The following ANKS1B variants were observed in gnomAD, a reference collection of about 807,000 sequenced individuals.
ANKS1B encodes ankyrin repeat and sterile alpha motif domain containing 1B.
In ANKS1B, 36 loss-of-function variants were observed where a neutral mutation model predicts 148.3. The observed-to-expected ratio is 0.24, with a 90% CI of 0.19 to 0.32. The LOEUF is 0.32. ANKS1B is among the 10% of genes least tolerant of loss of function. The pLI is 1.00. For missense variants in ANKS1B, 1,157 were observed against 1,542.6 expected (o/e 0.75, Z 4.19); for synonymous variants, 542 against 560.8 (o/e 0.97, Z 0.47).
intron 10 of ANKS1B, among the ~76,000 whole-genome samples, chr12:99,447,543 T>G (rs1402684492): frequency 1.3e-5 from 2 of 151,978 alleles, no homozygotes; most frequent in Non-Finnish European, 2.9e-5. Context: ...CAACATTGAT[T>G]TGGGCAATGA....
intron 17 of ANKS1B, among the ~76,000 whole-genome samples, chr12:99,013,780 T>C (rs984073443): frequency 6.6e-6 from 1 of 151,544 alleles, no homozygotes; most frequent in Non-Finnish European, 1.5e-5. Flanking sequence ...AAGAATAAAA[T>C]ACCTAGGAAT....
At chr12:98,903,693 C>T (rs1231052374) in intron 17 of ANKS1B, among the ~76,000 whole-genome samples, 2 of 152,186 alleles carry the variant, frequency 1.3e-5, no homozygotes, top group South Asian at 2.1e-4. Flanking sequence ...TTTACTTCAG[C>T]CACTTGGAGT....
intron 17 of ANKS1B, among the ~76,000 whole-genome samples, chr12:99,052,877 C>A (rs2099967177): frequency 6.6e-6 from 1 of 151,626 alleles, no homozygotes; most frequent in South Asian, 2.1e-4. Flanking sequence ...ATATCTATAT[C>A]CTATAACTGA....
intron 8 of ANKS1B, among the ~76,000 whole-genome samples, chr12:99,763,108 G>T (rs2062307736): frequency 6.6e-6 from 1 of 152,102 alleles, no homozygotes; most frequent in Non-Finnish European, 1.5e-5. Context: ...ACTTAAAACA[G>T]AACTACCATT....
intron 14 of ANKS1B, among the ~76,000 whole-genome samples, chr12:99,201,785 G>C (rs1239468487): frequency 1.3e-5 from 2 of 152,120 alleles, no homozygotes; most frequent in Non-Finnish European, 2.9e-5. Context: ...TGATAGCAAG[G>C]TTTATTTTAC....
chr12:98,815,275 G>A, intron 19 of ANKS1B, among the ~76,000 whole-genome samples: 1 of 152,116 alleles, frequency 6.6e-6, no homozygotes, highest in Middle Eastern at 3.2e-3. Context: ...ATGTCTAGAT[G>A]GTCTCCACTT....
chr12:99,264,157 A>C (rs1365659573), intron 12 of ANKS1B, among the ~76,000 whole-genome samples: 1 of 152,106 alleles, frequency 6.6e-6, no homozygotes, highest in Non-Finnish European at 1.5e-5. Flanking sequence ...TTATTTCAGA[A>C]ATTTTGCTAA....
At chr12:98,806,848 T>C (rs1335945217) in intron 20 of ANKS1B, among the ~76,000 whole-genome samples, 1 of 152,130 alleles carries the variant, frequency 6.6e-6, no homozygotes, top group Non-Finnish European at 1.5e-5. Flanking sequence ...CATTTATGAG[T>C]CCAAGAGGAA....
At chr12:98,894,472 A>C (rs2099759376) in intron 17 of ANKS1B, among the ~76,000 whole-genome samples, 15 of 151,484 alleles carry the variant, frequency 9.9e-5, no homozygotes, top group Admixed American at 9.9e-4. Context: ...CCGCTAGCTG[A>C]GGCTGCAACA....
intron 1 of ANKS1B, among the ~76,000 whole-genome samples, chr12:99,982,750 T>C (rs767806423): frequency 5.9e-5 from 9 of 152,316 alleles, no homozygotes; most frequent in East Asian, 1.9e-4. Context: ...CTATGACCTA[T>C]TGAAAAAATG....
chr12:99,324,716 AT>A (rs1259897403), intron 12 of ANKS1B, among the ~76,000 whole-genome samples: 2 of 152,148 alleles, frequency 1.3e-5, no homozygotes, highest in African/African-American at 4.8e-5. Flanking sequence ...ATTCTTGACT[AT>A]GAAGAGGCTG....
chr12:99,149,975 T>C (rs2074384684), intron 15 of ANKS1B, among the ~76,000 whole-genome samples: 1 of 152,148 alleles, frequency 6.6e-6, no homozygotes. Flanking sequence ...GCAAATAATA[T>C]AGGTCTGAGG....
chr12:99,028,255 C>A (rs2099949938), intron 17 of ANKS1B, among the ~76,000 whole-genome samples: 1 of 152,200 alleles, frequency 6.6e-6, no homozygotes, highest in African/African-American at 2.4e-5. Flanking sequence ...TGCAATTGTG[C>A]AAGCCAAACT....
At chr12:99,871,914 T>A (rs973618689) in intron 1 of ANKS1B, among the ~76,000 whole-genome samples, 8 of 152,142 alleles carry the variant, frequency 5.3e-5, no homozygotes, top group Non-Finnish European at 8.8e-5. Flanking sequence ...CTTTCTCTTG[T>A]CTGACTGTTC....
intron 8 of ANKS1B, among the ~76,000 whole-genome samples, chr12:99,737,372 G>A (rs965463572): frequency 6.6e-6 from 1 of 152,066 alleles, no homozygotes; most frequent in African/African-American, 2.4e-5. Flanking sequence ...ATGAGATCCT[G>A]TCATTTGCAG....
intron 12 of ANKS1B, among the ~76,000 whole-genome samples, chr12:99,338,937 T>C (rs1257433412): frequency 1.3e-5 from 2 of 152,144 alleles, no homozygotes; most frequent in Non-Finnish European, 2.9e-5. Flanking sequence ...CTCTCCCATC[T>C]CGTCTCCTAA....
intron 11 of ANKS1B, among the ~76,000 whole-genome samples, chr12:99,403,486 T>G (rs201931601): frequency 0.26 from 37,222 of 142,672 alleles, 8,086 homozygotes; most frequent in East Asian, 0.45. Context: ...TGGGGGTTGA[T>G]TTTTTTTTCT....
At chr12:98,847,430 T>C (rs954057173) in intron 17 of ANKS1B, among the ~76,000 whole-genome samples, 5 of 152,210 alleles carry the variant, frequency 3.3e-5, no homozygotes, top group African/African-American at 1.2e-4. Context: ...TTGTTGCAAA[T>C]GGCAGGATTT....
intron 12 of ANKS1B, among the ~76,000 whole-genome samples, chr12:99,251,755 A>G (rs914699449): frequency 3.3e-5 from 5 of 152,212 alleles, no homozygotes; most frequent in African/African-American, 1.2e-4. Flanking sequence ...ACTTTTTTCT[A>G]TTATAGAGTA....
Sources: allele counts gnomAD v4.1 joint callset (sites outside exome capture counted in the v4.1 genomes callset), GRCh38; gene constraint gnomAD v4.1.1; transcripts MANE v1.5; gene names NCBI Gene and HGNC (gene_info 2026-07-23, HGNC 2026-07-21).